Variants in ZFAT observed in about 807,000 individuals in gnomAD.
ZFAT encodes zinc finger and AT-hook domain containing.
ZFAT carries 64 observed loss-of-function variants against 117.7 expected under a neutral mutation model. The observed-to-expected ratio is 0.54, with a 90% CI of 0.44 to 0.67. The LOEUF is 0.67. Among genes scored for constraint, ZFAT ranks in the 30% least tolerant of loss-of-function variants. The pLI is 0.00. For missense variants in ZFAT, 1,433 were observed against 1,584.5 expected (o/e 0.90, Z 1.62); for synonymous variants, 679 against 615.0 (o/e 1.10, Z -1.54).
rs146684203 is a variant in ZFAT, at chr8:134,637,595, G to A, written c.314C>T (p.Pro105Leu). 5,367 of 1,614,200 alleles carry A rather than the reference G, an allele frequency of 3.3e-3. 13 individuals carry two copies. Among genetic ancestry groups the A allele is most frequent in the Middle Eastern group, 4.0e-3 (24 of 6,060 alleles). ...TGGAGGCAGGCTGTTCCCTTCCTCC[G>A]GAGCCAGCGGGCTGTCCTCAGTCGG... ...VSPTEDSPLA[P>L]EEGNSLPPSS... The change falls in exon 3 of 16, where the codon CCG becomes CTG. Residue 105 changes from proline (P) to leucine (L), a missense_variant. Coordinates refer to ENST00000377838, the MANE Select transcript of ZFAT (RefSeq NM_020863.4).
the ZFAT span, among the ~76,000 whole-genome samples, chr8:134,800,171 G>C: frequency 2.0e-5 from 3 of 152,094 alleles, no homozygotes; most frequent in Non-Finnish European, 4.4e-5. Flanking sequence ...CCAATACCCA[G>C]AGCCTTATGT....
rs760429363 is a variant in ZFAT, at chr8:134,509,749, C to T, written c.3362G>A (p.Gly1121Asp). ...LQDLRYTSES[G>D]DRLDPTAVNI... ...CACGGCCGTGGGGTCCAGTCGGTCG[C>T]CTTAAGAGGAAGAAGCAAAGAGGAC... is the stretch of plus-strand genomic sequence containing the variant. The change falls in exon 15 of 16, where the codon GGC (glycine) becomes GAC (aspartate). Residue 1121 changes from glycine (G) to aspartate (D), a missense_variant and splice_region_variant. Physicochemically the swap from Gly to Asp is moderately conservative, Grantham distance 94. Transcript: ENST00000377838. 5.6e-6 allele frequency: 9 copies of T among 1,596,052 alleles called. No homozygotes were observed. In the African/African-American group the frequency reaches 9.5e-5, roughly 17 times the overall value.
chr8:134,595,955 T>C (rs745419993), intron 7 of ZFAT, among the ~76,000 whole-genome samples: 9 of 152,226 alleles, frequency 5.9e-5, no homozygotes, highest in Admixed American at 1.3e-4. Flanking sequence ...CTGCTCTTCA[T>C]GGGAATCTGT....
At chr8:134,756,654 G>C in the ZFAT span, among the ~76,000 whole-genome samples, 754 of 152,336 alleles carry the variant, frequency 4.9e-3, 3 homozygotes, top group African/African-American at 0.018. Context: ...TGTGGTCAGT[G>C]GCAGGGGCTG....
the ZFAT span, among the ~76,000 whole-genome samples, chr8:134,773,093 C>CA: frequency 0.024 from 2,449 of 104,024 alleles, 62 homozygotes; most frequent in African/African-American, 0.067. Context: ...AATCCCAATT[C>CA]AAAAAAAAAA....
At chr8:134,540,200 A>T (rs1322495946) in intron 11 of ZFAT, among the ~76,000 whole-genome samples, 1 of 152,202 alleles carries the variant, frequency 6.6e-6, no homozygotes, top group Non-Finnish European at 1.5e-5. Context: ...ATGCAGGGGC[A>T]GGCAGCCAAA....
At chr8:134,757,502 A>C in the ZFAT span, among the ~76,000 whole-genome samples, 2 of 152,040 alleles carry the variant, frequency 1.3e-5, no homozygotes, top group African/African-American at 4.8e-5. Flanking sequence ...GCTGGCATGG[A>C]AGATTCCACC....
chr8:134,733,502 CCTT>C, the ZFAT span, among the ~76,000 whole-genome samples: 1 of 152,252 alleles, frequency 6.6e-6, no homozygotes, highest in Admixed American at 6.5e-5. Flanking sequence ...CACTTATGAT[CCTT>C]CTTCTTTATC....
chr8:134,506,242 C>T (rs983395384), intron 15 of ZFAT, among the ~76,000 whole-genome samples: 2 of 152,178 alleles, frequency 1.3e-5, no homozygotes, highest in African/African-American at 4.8e-5. Context: ...AAAGTAATCA[C>T]CTTATTTAAT....
At chr8:134,633,797 C>T (rs1428526232) in intron 3 of ZFAT, among the ~76,000 whole-genome samples, 1 of 152,226 alleles carries the variant, frequency 6.6e-6, no homozygotes, top group African/African-American at 2.4e-5. Flanking sequence ...ATAATCCCAA[C>T]ACTTTGGGAG....
At chr8:134,680,199 T>G (rs1211281160) in intron 1 of ZFAT, among the ~76,000 whole-genome samples, 1 of 149,430 alleles carries the variant, frequency 6.7e-6, no homozygotes, top group Non-Finnish European at 1.5e-5. Flanking sequence ...GAGGCAGAGA[T>G]TGCAGTGAGC....
intron 1 of ZFAT, among the ~76,000 whole-genome samples, chr8:134,701,531 C>T (rs530029271): frequency 2.6e-5 from 4 of 152,292 alleles, no homozygotes; most frequent in East Asian, 1.9e-4. Context: ...TTCCAAGAAG[C>T]GAAGTTGCTA....
chr8:134,539,803 C>T (rs1822116652), intron 11 of ZFAT, among the ~76,000 whole-genome samples: 1 of 152,208 alleles, frequency 6.6e-6, no homozygotes, highest in South Asian at 2.1e-4. Context: ...TGATTGCATT[C>T]TATGTCAAGC....
intron 5 of ZFAT, among the ~76,000 whole-genome samples, chr8:134,604,623 C>T (rs1782167816): frequency 6.6e-6 from 1 of 152,236 alleles, no homozygotes; most frequent in Non-Finnish European, 1.5e-5. Context: ...TCAGGTTGTG[C>T]TATTAACCAG....
chr8:134,628,986 A>G (rs1271674095), intron 3 of ZFAT, among the ~76,000 whole-genome samples: 1 of 152,230 alleles, frequency 6.6e-6, no homozygotes, highest in Non-Finnish European at 1.5e-5. Context: ...TCTGCAAACC[A>G]CTGGTGTACA....
the ZFAT span, among the ~76,000 whole-genome samples, chr8:134,804,432 A>T: frequency 6.6e-6 from 1 of 152,138 alleles, no homozygotes; most frequent in Non-Finnish European, 1.5e-5. Flanking sequence ...TTGCACACAC[A>T]TCTCTTTTAA....
the ZFAT span, among the ~76,000 whole-genome samples, chr8:134,747,085 A>G: frequency 6.6e-6 from 1 of 151,968 alleles, no homozygotes; most frequent in East Asian, 1.9e-4. Flanking sequence ...CCTTTTTTCT[A>G]AAGATCTTTT....
the ZFAT span, among the ~76,000 whole-genome samples, chr8:134,734,824 G>A: frequency 6.6e-6 from 1 of 152,342 alleles, no homozygotes; most frequent in East Asian, 1.9e-4. Context: ...GAGAAAGAGC[G>A]AGCTGGTGCA....
At chr8:134,715,849 A>G (rs1054466136), upstream of ZFAT, among the ~76,000 whole-genome samples, 3 of 152,222 alleles carry the variant, frequency 2.0e-5, no homozygotes, top group Non-Finnish European at 4.4e-5. Context: ...TTATCATTAT[A>G]TCCAATATCT....
Sources: allele counts gnomAD v4.1 joint callset (sites outside exome capture counted in the v4.1 genomes callset), GRCh38; gene constraint gnomAD v4.1.1; transcripts MANE v1.5; gene names NCBI Gene and HGNC (gene_info 2026-07-23, HGNC 2026-07-21).